The following CSNK1G3 variants were observed in gnomAD, a reference collection of about 807,000 sequenced individuals.
The protein encoded by CSNK1G3 is casein kinase 1 gamma 3.
CSNK1G3 carries 23 observed loss-of-function variants against 64.3 expected under a neutral mutation model. The observed-to-expected ratio is 0.36, with a 90% CI of 0.26 to 0.51. CSNK1G3 has a LOEUF of 0.51. Ranked by LOEUF, CSNK1G3 falls within the 20% of genes least tolerant of loss-of-function variation. The probability of loss-of-function intolerance (pLI) is 0.96; values close to 1 mark genes in which losing one functional copy is unlikely to be tolerated. For synonymous variants in CSNK1G3, 158 were observed against 162.2 expected, an observed-to-expected ratio of 0.97 and a Z score of 0.20; for missense variants, 357 against 510.5, an observed-to-expected ratio of 0.70 and a Z score of 2.90.
rs116586562 is a variant in CSNK1G3, at chr5:123,568,869, C to T, written c.290-4524C>T. Reference sequence around the variant, plus strand: ...ATTTGCTTTTTGTCTAACATCATTTCCATAGTCTAAAGTAAATTTAAAATA... The same window carrying T: ...ATTTGCTTTTTGTCTAACATCATTTTCATAGTCTAAAGTAAATTTAAAATA... On this transcript the variant is annotated intron_variant, in intron 4 of 12. Transcript: ENST00000345990. Among the ~76,000 whole-genome samples, 1,140 of 152,224 alleles carry T rather than the reference C, an allele frequency of 7.5e-3. 13 individuals are homozygous for T. Among genetic ancestry groups the T allele is most frequent in the African/African-American group, 0.025 (1,058 of 41,538 alleles).
intron 1 of CSNK1G3, among the ~76,000 whole-genome samples, chr5:123,518,423 T>C (rs1388372314): frequency 6.6e-6 from 1 of 152,206 alleles, no homozygotes; most frequent in Non-Finnish European, 1.5e-5. Context: ...ACTTGAGAGC[T>C]CTGGTCTGCC....
intron 6 of CSNK1G3, among the ~76,000 whole-genome samples, chr5:123,583,359 G>GTTTTTTTTTTTTTT (rs10611933): frequency 9.0e-6 from 1 of 111,310 alleles, no homozygotes; most frequent in South Asian, 3.0e-4. Context: ...TAGAAATCCA[G>GTTTTTTTTTTTTTT]TTTTTTTTTT....
intron 1 of CSNK1G3, among the ~76,000 whole-genome samples, chr5:123,514,505 G>A (rs1388668544): frequency 6.6e-6 from 1 of 152,190 alleles, no homozygotes; most frequent in South Asian, 2.1e-4. Flanking sequence ...GAAGATGAAT[G>A]AGACTCAGTA....
intron 12 of CSNK1G3, among the ~76,000 whole-genome samples, chr5:123,610,779 C>T (rs893570879): frequency 5.3e-5 from 8 of 151,948 alleles, no homozygotes; most frequent in African/African-American, 1.9e-4. Context: ...AGTTTGAGAC[C>T]AGCCTGGGCA....
intron 4 of CSNK1G3, among the ~76,000 whole-genome samples, chr5:123,566,128 A>G (rs115251052): frequency 0.012 from 1,802 of 152,304 alleles, 41 homozygotes; most frequent in African/African-American, 0.04. Flanking sequence ...ACTTGACACA[A>G]AGTACCAAGC....
chr5:123,605,506 T>A, intron 12 of CSNK1G3, 144 bp downstream of exon 13: 2 of 896,872 alleles, frequency 2.2e-6, no homozygotes, highest in Non-Finnish European at 3.3e-6. Context: ...TTGATATCAT[T>A]AAGATAGCTC....
intron 10 of CSNK1G3, among the ~76,000 whole-genome samples, chr5:123,604,284 CTT>C (rs1459802926): frequency 6.6e-6 from 1 of 152,006 alleles, no homozygotes; most frequent in Non-Finnish European, 1.5e-5. Flanking sequence ...GAAATGGAGA[CTT>C]GAGCATAATT....
intron 1 of CSNK1G3, among the ~76,000 whole-genome samples, chr5:123,528,793 A>G (rs1434823735): frequency 6.6e-6 from 1 of 152,162 alleles, no homozygotes; most frequent in African/African-American, 2.4e-5. Flanking sequence ...ATTAGAATTT[A>G]TTCTCATTAT....
At chr5:123,591,471 TTTC>T in intron 10 of CSNK1G3, 57 bp downstream of exon 10, 1 of 1,092,420 alleles carries the variant, frequency 9.2e-7, no homozygotes, top group South Asian at 1.4e-5. Flanking sequence ...CATACACTTT[TTTC>T]TTCAATAGAT....
chr5:123,606,541 T>C (rs1337267582), intron 12 of CSNK1G3, among the ~76,000 whole-genome samples: 1 of 152,136 alleles, frequency 6.6e-6, no homozygotes, highest in East Asian at 1.9e-4. Context: ...ACTTCATAGG[T>C]TGAGAAAATT....
chr5:123,611,492 G>A (rs1172639601), intron 12 of CSNK1G3, among the ~76,000 whole-genome samples: 1 of 152,134 alleles, frequency 6.6e-6, no homozygotes, highest in Non-Finnish European at 1.5e-5. Context: ...AAACACTGTT[G>A]AAGGAAAGAT....
At chr5:123,545,710 C>T (rs768285137) in exon 2 of CSNK1G3, 1 of 1,613,312 alleles carries the variant, frequency 6.2e-7, no homozygotes, top group Non-Finnish European at 8.5e-7. Flanking sequence ...GATAGAATGG[C>T]ACGACCTAGT....
At chr5:123,582,742 T>A (rs972952152) in intron 6 of CSNK1G3, among the ~76,000 whole-genome samples, 1 of 152,112 alleles carries the variant, frequency 6.6e-6, no homozygotes, top group South Asian at 2.1e-4. Context: ...CAGGCTTTAA[T>A]AGGGGCCAGA....
At chr5:123,523,475 A>G (rs1778499949) in intron 1 of CSNK1G3, among the ~76,000 whole-genome samples, 1 of 152,178 alleles carries the variant, frequency 6.6e-6, no homozygotes, top group African/African-American at 2.4e-5. Context: ...TGAGTTCAAT[A>G]TATTCAATTC....
chr5:123,545,648 G>A, exon 2 of CSNK1G3: 1 of 1,607,364 alleles, frequency 6.2e-7, no homozygotes, highest in Non-Finnish European at 8.5e-7. Flanking sequence ...TCAAAGTGGA[G>A]TACCGCAAAC....
Position 123,574,984 on chromosome 5 carries a change from C to A in CSNK1G3, c.439-745C>A, listed in dbSNP as rs116382680. Among the ~76,000 whole-genome samples, 1,430 of 152,184 alleles carry A rather than the reference C, an allele frequency of 9.4e-3. 18 individuals carry two copies. The highest frequency in any genetic ancestry group is 0.011 in the Admixed American group (170 of 15,296). ...AAGTTTGTTAAACAAACTAGAATGGCCTGTGTAGCCATATGTTTACATTGC... is the reference window on the plus strand; with the variant it reads ...AAGTTTGTTAAACAAACTAGAATGGACTGTGTAGCCATATGTTTACATTGC... On this transcript the variant is annotated intron_variant, in intron 5 of 12. Coordinates refer to ENST00000345990, the Ensembl canonical transcript of CSNK1G3.
chr5:123,523,779 C>T lies in CSNK1G3; in HGVS notation c.-248+11209C>T, dbSNP rs757006280. On this transcript the variant is annotated intron_variant, in intron 1 of 12. Transcript: ENST00000345990. The stretch of plus-strand genomic sequence containing the variant: ...AGCACTCTGAAACCCAAAACTTTTT[C>T]TGTGTGTTTGGTACAAATTGATTTT... 2.0e-5 allele frequency among the ~76,000 whole-genome samples: 3 copies of T among 152,144 alleles called. 1 individual carries two copies. Among genetic ancestry groups the T allele is most frequent in the Admixed American group, 6.5e-5 (1 of 15,278 alleles).
chr5:123,563,565 C>T (rs1786217510), intron 4 of CSNK1G3, among the ~76,000 whole-genome samples: 2 of 152,006 alleles, frequency 1.3e-5, no homozygotes, highest in Admixed American at 6.6e-5. Flanking sequence ...GTTAAATGAA[C>T]GTTGGTGATT....
In CSNK1G3 at chr5:123,574,922, A is replaced by G. The variant is rs536263844; in HGVS notation, c.439-807A>G. ...CAAATGCTCATATCATTAATTAAGA[A>G]TATATAGACATAGAATATTGTACAT... On this transcript the variant is annotated intron_variant, in intron 5 of 12. Coordinates refer to ENST00000345990, the Ensembl canonical transcript of CSNK1G3. Among the ~76,000 whole-genome samples the G allele has an allele frequency of 5.3e-5, 8 of 152,324 alleles. No homozygotes were observed. The South Asian group carries it at 1.7e-3, about 32-fold the overall frequency.
Sources: allele counts gnomAD v4.1 joint callset (sites outside exome capture counted in the v4.1 genomes callset), GRCh38; gene constraint gnomAD v4.1.1; transcripts MANE v1.5; gene names NCBI Gene and HGNC (gene_info 2026-07-23, HGNC 2026-07-21).